Variants in ADARB1 observed in about 807,000 individuals in gnomAD.
ADARB1 encodes double-stranded RNA-specific editase 1.
A neutral mutation model predicts 52.4 loss-of-function variants in ADARB1; 10 were observed. That is an observed-to-expected ratio of 0.19 (90% CI 0.12 to 0.32). ADARB1 has a LOEUF of 0.32. Ranked by LOEUF, ADARB1 falls within the 10% of genes least tolerant of loss-of-function variation. ADARB1 has a pLI of 1.00. For missense variants in ADARB1, 643 were observed against 922.3 expected (o/e 0.70, Z 3.92); for synonymous variants, 349 against 371.1 (o/e 0.94, Z 0.68).
At chr21:45,187,075 G>T (rs1276384214) in intron 8 of ADARB1, among the ~76,000 whole-genome samples, 1 of 152,150 alleles carries the variant, frequency 6.6e-6, no homozygotes, top group Non-Finnish European at 1.5e-5. Flanking sequence ...TCGTTATTTT[G>T]ATAGGGATTA....
rs77174297 is a variant in ADARB1 at position 45,091,655 on chromosome 21, G to A, written c.-220+16862G>A. On this transcript the variant is annotated intron_variant, in intron 1 of 10. Coordinates refer to ENST00000348831, the MANE Select transcript of ADARB1 (RefSeq NM_001112.4). ...TCTTCTGGCAGCTTAGTGGCTCCCA[G>A]GGGCAGGATCCTGGTCACCAGCATC... Among the ~76,000 whole-genome samples the A allele has an allele frequency of 6.3e-3, 965 of 152,268 alleles. 11 individuals carry two copies. The highest frequency in any genetic ancestry group is 0.022 in the African/African-American group (922 of 41,534).
At chr21:45,077,462 G>A (rs966992900) in intron 1 of ADARB1, among the ~76,000 whole-genome samples, 5 of 151,964 alleles carry the variant, frequency 3.3e-5, no homozygotes, top group East Asian at 1.9e-4. Context: ...TCAGGAGATC[G>A]AGACCATCCT....
At chr21:45,099,417 C>T (rs1224539022) in intron 1 of ADARB1, among the ~76,000 whole-genome samples, 4 of 152,110 alleles carry the variant, frequency 2.6e-5, no homozygotes, top group African/African-American at 7.2e-5. Context: ...GTAATCCCAG[C>T]GCTTTGGGAG....
At chr21:45,102,683 G>A (rs2087073481) in intron 1 of ADARB1, among the ~76,000 whole-genome samples, 1 of 152,198 alleles carries the variant, frequency 6.6e-6, no homozygotes, top group African/African-American at 2.4e-5. Flanking sequence ...AGTAGTATTG[G>A]ATTATAGCCC....
chr21:45,222,102 G>T lies in ADARB1; in HGVS notation c.2011G>T (p.Ala671Ser). ...SKLAAKEYQA[A>S]KARLFTAFIK... is the part of the protein sequence containing the mutation. ...GCTGGCGGCAAAGGAGTACCAGGCC[G>T]CCAAGGCGCGTCTGTTCACAGCCTT... is the stretch of plus-strand genomic sequence containing the variant. Residue 671 changes from alanine (A) to serine (S), a missense_variant, in exon 11 of 11, where the codon GCC becomes TCC. By Grantham distance (99) the Ala-to-Ser change is moderately conservative (BLOSUM62 1). Coordinates refer to ENST00000348831, the MANE Select transcript of ADARB1 (RefSeq NM_001112.4). 6.2e-7 allele frequency: 1 copy of T among 1,613,192 alleles called. No individual in the cohort carries two copies. The highest frequency in any genetic ancestry group is 8.5e-7 in the Non-Finnish European group (1 of 1,179,858).
intron 1 of ADARB1, among the ~76,000 whole-genome samples, chr21:45,075,501 C>T (rs878916233): frequency 3.9e-5 from 6 of 152,200 alleles, no homozygotes; most frequent in Admixed American, 2.6e-4. Flanking sequence ...ATGCTCTGCG[C>T]CGCGGGCGGC....
intron 9 of ADARB1, among the ~76,000 whole-genome samples, chr21:45,211,958 G>A (rs2092777731): frequency 6.6e-6 from 1 of 152,068 alleles, no homozygotes; most frequent in Admixed American, 6.6e-5. Context: ...TGGAAGCTCG[G>A]GCTATTTTCT....
At chr21:45,080,582 G>A (rs1176254244) in intron 1 of ADARB1, among the ~76,000 whole-genome samples, 3 of 152,256 alleles carry the variant, frequency 2.0e-5, no homozygotes, top group South Asian at 2.1e-4. Context: ...TAGGACTCAG[G>A]ATCCAGCTTC....
At chr21:45,167,639 T>A (rs927745036) in intron 2 of ADARB1, among the ~76,000 whole-genome samples, 2 of 152,028 alleles carry the variant, frequency 1.3e-5, no homozygotes, top group African/African-American at 2.4e-5. Flanking sequence ...TAATCCCAGC[T>A]ACTCGGGAGG....
At chr21:45,219,528 A>G (rs1375393636) in intron 9 of ADARB1, among the ~76,000 whole-genome samples, 1 of 152,212 alleles carries the variant, frequency 6.6e-6, no homozygotes, top group African/African-American at 2.4e-5. Context: ...GTCTCGAAAA[A>G]AAGAACTGAA....
rs74852162 is a variant in ADARB1 at position 45,113,523 on chromosome 21, G to A, written c.-219-14879G>A. Among the ~76,000 whole-genome samples, 788 of 101,952 alleles carry A rather than the reference G, an allele frequency of 7.7e-3. 3 individuals are homozygous for A. Among genetic ancestry groups the A allele is most frequent in the African/African-American group, 0.013 (381 of 29,476 alleles). The allele number at this position is 101,952 out of a possible 152,430, so 66.9% of individuals were successfully genotyped here. ...TGTGTGTGTGTGTGTGTGTGTGTGTGTATATATATATATATGTTGACATGT... is the reference window on the plus strand; with the variant it reads ...TGTGTGTGTGTGTGTGTGTGTGTGTATATATATATATATATGTTGACATGT... On this transcript the variant is annotated intron_variant, in intron 1 of 10. Coordinates refer to ENST00000348831, the MANE Select transcript of ADARB1 (RefSeq NM_001112.4).
chr21:45,087,187 T>C (rs751803004), intron 1 of ADARB1, among the ~76,000 whole-genome samples: 1 of 152,194 alleles, frequency 6.6e-6, no homozygotes, highest in Non-Finnish European at 1.5e-5. Context: ...CACTTACCCT[T>C]TGACCCAGCA....
At position 45,204,880 on chromosome 21, in the gene ADARB1, G is replaced by A. The variant is rs942557048; in HGVS notation, c.1747+144G>A. The A allele has an allele frequency of 2.3e-6, 2 of 878,820 alleles. No individual in the cohort carries two copies. The highest frequency in any genetic ancestry group is 2.9e-5 in the Admixed American group (1 of 34,288). The allele number at this position is 878,820 out of a possible 1,614,324, so 54.4% of individuals were successfully genotyped here. On this transcript the variant is annotated intron_variant, in intron 9 of 10. Transcript: ENST00000348831. This position sits in a 1 kb window ranked among gnomAD's most constrained non-coding sequence, Gnocchi z 4.4. ...TCCTTCTAAAGAGACCCAAGGTGAT[G>A]TTTCTGAGGCTCTCCGGGCCTTGTC...
intron 8 of ADARB1, among the ~76,000 whole-genome samples, 177 bp downstream of exon 8, chr21:45,185,268 G>A (rs1286146391): frequency 6.6e-6 from 1 of 152,216 alleles, no homozygotes; most frequent in Non-Finnish European, 1.5e-5. Flanking sequence ...CCCCCGTGAG[G>A]GGCAGCAGCA....
chr21:45,129,284 T>C (rs2145833224), intron 2 of ADARB1, among the ~76,000 whole-genome samples: 1 of 152,274 alleles, frequency 6.6e-6, no homozygotes. Context: ...TATCTCATGA[T>C]TCAGCGTCTG....
intron 1 of ADARB1, among the ~76,000 whole-genome samples, chr21:45,085,671 C>T (rs1182223765): frequency 6.6e-6 from 1 of 152,184 alleles, no homozygotes; most frequent in Non-Finnish European, 1.5e-5. Context: ...TTTCCCTCTG[C>T]ACTTTTTGTT....
intron 1 of ADARB1, among the ~76,000 whole-genome samples, chr21:45,112,558 C>T (rs953780170): frequency 2.0e-5 from 3 of 151,968 alleles, no homozygotes; most frequent in Non-Finnish European, 4.4e-5. Context: ...GGCTTCTGTT[C>T]TAAATGCAGT....
chr21:45,183,624 G>A (rs1601824553), intron 7 of ADARB1, 114 bp downstream of exon 7: 1 of 1,229,042 alleles, frequency 8.1e-7, no homozygotes, highest in South Asian at 1.5e-5. Flanking sequence ...AGACTTGGAT[G>A]TGGATCTGAT....
At position 45,223,363 on chromosome 21, in the gene ADARB1, A is replaced by G. The variant is rs2092998045; in HGVS notation, c.*1166A>G. ...TCCTGACGGGAGCTCAGGGCTGCCC[A>G]GCGCCCAGCGTGCACGGGACGGCCC... On this transcript the variant is annotated 3_prime_UTR_variant, in exon 11 of 11. Transcript: ENST00000348831. 5 of 985,486 alleles carry G rather than the reference A, an allele frequency of 5.1e-6. No individual in the cohort carries two copies. The highest frequency in any genetic ancestry group is 3.6e-6 in the Non-Finnish European group (3 of 830,054). The allele number at this position is 985,486 out of a possible 1,614,324, so 61.0% of individuals were successfully genotyped here.
Sources: allele counts gnomAD v4.1 joint callset (sites outside exome capture counted in the v4.1 genomes callset), GRCh38; gene constraint gnomAD v4.1.1; non-coding constraint Gnocchi (gnomAD v3.1); transcripts MANE v1.5; gene names NCBI Gene and HGNC (gene_info 2026-07-23, HGNC 2026-07-21).